Variants in MCF2L2 observed in about 807,000 individuals in gnomAD.
The protein encoded by MCF2L2 is probable guanine nucleotide exchange factor MCF2L2.
Under a neutral mutation model 150.2 loss-of-function variants are expected in MCF2L2, and 102 were observed. The ratio of observed to expected loss-of-function variants is 0.68; its 90% CI spans 0.58 to 0.80. The LOEUF (loss-of-function observed/expected upper bound fraction) is 0.80, where lower values mean the gene tolerates loss of function less well. Ranked by LOEUF, MCF2L2 falls within the 30% of genes least tolerant of loss-of-function variation. MCF2L2 has a pLI of 0.00. For missense variants in MCF2L2, 1,256 were observed against 1,372.8 expected (o/e 0.91, Z 1.34); for synonymous variants, 465 against 491.3 (o/e 0.95, Z 0.71).
At chr3:183,257,980 TTTTTTG>T (rs1400336893) in intron 15 of MCF2L2, among the ~76,000 whole-genome samples, 1 of 144,152 alleles carries the variant, frequency 6.9e-6, no homozygotes, top group African/African-American at 2.6e-5. Context: ...TTTTTTTTTT[TTTTTTG>T]AGACGGAGTC....
chr3:183,376,565 C>T (rs928955069), intron 3 of MCF2L2: 2 of 152,218 alleles, frequency 1.3e-5, no homozygotes, highest in Non-Finnish European at 2.9e-5. Context: ...AGCTGGGGTT[C>T]CCCTCCGTCA....
At chr3:183,383,198 T>C (rs928484499) in intron 2 of MCF2L2, among the ~76,000 whole-genome samples, 1 of 148,406 alleles carries the variant, frequency 6.7e-6, no homozygotes, top group African/African-American at 2.6e-5. Flanking sequence ...CAAATAATCA[T>C]AAAGAATTTT....
At position 183,311,030 on chromosome 3, in the gene MCF2L2, C is replaced by T. The variant is rs759768362; in HGVS notation, c.879-1G>A. 1.3e-6 allele frequency: 2 copies of T among 1,581,972 alleles called. No homozygotes were observed. The highest frequency in any genetic ancestry group is 2.2e-5 in the South Asian group (2 of 90,316). ...TGTTTCATCCAGTTGAACTAATAAC[C>T]TTTCAAGAAAGAATGAGAAAGTGAT... On this transcript the variant is annotated splice_acceptor_variant, in intron 8 of 29. Coordinates refer to ENST00000328913, the MANE Select transcript of MCF2L2 (RefSeq NM_015078.4). LOFTEE classifies it high-confidence loss of function.
intron 3 of MCF2L2, among the ~76,000 whole-genome samples, chr3:183,363,891 G>C (rs536309488): frequency 6.6e-6 from 1 of 152,240 alleles, no homozygotes; most frequent in Admixed American, 6.5e-5. Context: ...AGTAACAGAG[G>C]ATTCACCATC....
chr3:183,320,242 G>T (rs1023142250), intron 6 of MCF2L2, among the ~76,000 whole-genome samples: 2 of 151,794 alleles, frequency 1.3e-5, no homozygotes, highest in Non-Finnish European at 2.9e-5. Context: ...ACAGGCACCC[G>T]CCACCACGCC....
At chr3:183,204,812 TACTC>T (rs2108645479) in intron 25 of MCF2L2, among the ~76,000 whole-genome samples, 1 of 152,266 alleles carries the variant, frequency 6.6e-6, no homozygotes, top group South Asian at 2.1e-4. Context: ...AATGGACTGT[TACTC>T]AGCCATAAAA....
chr3:183,270,073 T>C lies in MCF2L2; in HGVS notation c.1862+6799A>G. 1 of 1,614,194 alleles carries C rather than the reference T, an allele frequency of 6.2e-7. No homozygotes were observed. Among genetic ancestry groups the C allele is most frequent in the Non-Finnish European group, 8.5e-7 (1 of 1,180,036 alleles). On this transcript the variant is annotated intron_variant, in intron 15 of 29. Transcript: ENST00000328913. This position sits in a 1 kb window ranked among gnomAD's most constrained non-coding sequence, Gnocchi z 4.5. ...CAAGCTCAAGACGTCCTCCTTTTACTGTTTGTAAAAACTGCTCCTGAAAAC... is the reference window on the plus strand; with the variant it reads ...CAAGCTCAAGACGTCCTCCTTTTACCGTTTGTAAAAACTGCTCCTGAAAAC...
chr3:183,280,845 CAA>C (rs201596744), intron 14 of MCF2L2, among the ~76,000 whole-genome samples: 7 of 69,422 alleles, frequency 1.0e-4, no homozygotes, highest in Admixed American at 3.3e-4. Context: ...GAGTCTCTGT[CAA>C]AAAAAAAAAA....
At chr3:183,337,472 G>A (rs1289811710) in intron 5 of MCF2L2, among the ~76,000 whole-genome samples, 1 of 147,252 alleles carries the variant, frequency 6.8e-6, no homozygotes, top group Non-Finnish European at 1.5e-5. Context: ...AGAATGGCTT[G>A]AACCCAGGAG....
chr3:183,374,704 A>C (rs1339715982), intron 3 of MCF2L2: 1 of 146,378 alleles, frequency 6.8e-6, no homozygotes, highest in Non-Finnish European at 1.5e-5. Context: ...AAGAAAGAAA[A>C]AATAGAAGCC....
rs760614028 is a variant in MCF2L2, at chr3:183,223,457, A to G, written c.2209-19T>C. On this transcript the variant is annotated intron_variant, in intron 19 of 29. Transcript: ENST00000328913. ...GGCATACCTTTAAAAGCCAAATAGA[A>G]ACAACATAAAGCAAAACAAACAACA... The G allele has an allele frequency of 6.4e-6, 10 of 1,574,198 alleles. No homozygotes were observed. In the African/African-American group the frequency reaches 1.3e-4, roughly 21 times the overall value.
intron 15 of MCF2L2, among the ~76,000 whole-genome samples, chr3:183,252,306 A>C (rs6782547): frequency 3.4e-4 from 51 of 151,944 alleles, no homozygotes; most frequent in African/African-American, 1.2e-3. Context: ...GTCACTGTCA[A>C]TGACTCCTTT....
intron 15 of MCF2L2, among the ~76,000 whole-genome samples, chr3:183,239,654 T>G (rs1192335983): frequency 6.7e-6 from 1 of 150,128 alleles, no homozygotes; most frequent in East Asian, 2.0e-4. Flanking sequence ...TTTTTGCTCA[T>G]TATTGTCAAC....
chr3:183,225,207 C>T (rs1287256097), intron 18 of MCF2L2: 1 of 152,222 alleles, frequency 6.6e-6, no homozygotes, highest in Non-Finnish European at 1.5e-5. Flanking sequence ...GTAGCTCTTT[C>T]TTTCTCCCAA....
intron 22 of MCF2L2, among the ~76,000 whole-genome samples, chr3:183,210,612 G>T (rs1722658815): frequency 6.6e-6 from 1 of 152,198 alleles, no homozygotes; most frequent in Non-Finnish European, 1.5e-5. Context: ...AGGCTCAGCT[G>T]TCAAAGTAAT....
At chr3:183,348,484 G>A (rs1263352842) in intron 3 of MCF2L2, among the ~76,000 whole-genome samples, 1 of 151,592 alleles carries the variant, frequency 6.6e-6, no homozygotes, top group African/African-American at 2.4e-5. Flanking sequence ...GTTGATGGGT[G>A]CAGCAAACCA....
intron 13 of MCF2L2, among the ~76,000 whole-genome samples, chr3:183,293,963 T>C (rs1728312410): frequency 6.6e-6 from 1 of 152,178 alleles, no homozygotes; most frequent in Non-Finnish European, 1.5e-5. Context: ...TTATAACATA[T>C]TCAGGAATTG....
chr3:183,243,266 G>A (rs926731580), intron 15 of MCF2L2, among the ~76,000 whole-genome samples: 11 of 152,098 alleles, frequency 7.2e-5, no homozygotes, highest in East Asian at 1.9e-4. Flanking sequence ...GGGAGGGGCC[G>A]GGGTGAAATG....
At chr3:183,423,991 T>C (rs533118373) in intron 1 of MCF2L2, among the ~76,000 whole-genome samples, 14 of 152,278 alleles carry the variant, frequency 9.2e-5, no homozygotes, top group African/African-American at 3.1e-4. Flanking sequence ...ATGTGCCCTG[T>C]CTATCAAAAT....
Sources: allele counts gnomAD v4.1 joint callset (sites outside exome capture counted in the v4.1 genomes callset), GRCh38; gene constraint gnomAD v4.1.1; non-coding constraint Gnocchi (gnomAD v3.1); transcripts MANE v1.5; gene names NCBI Gene and HGNC (gene_info 2026-07-23, HGNC 2026-07-21).